The following TRPM3 variants were observed in gnomAD, a reference collection of about 807,000 sequenced individuals.
TRPM3 encodes transient receptor potential cation channel subfamily M member 3.
A neutral mutation model predicts 181.2 loss-of-function variants in TRPM3; 77 were observed. The ratio of observed to expected loss-of-function variants is 0.42; its 90% CI spans 0.35 to 0.51. The LOEUF (loss-of-function observed/expected upper bound fraction) is 0.51. TRPM3 is among the 20% of genes least tolerant of loss of function. TRPM3 has a pLI of 0.01. For missense variants in TRPM3, 1,759 were observed against 2,196.7 expected (o/e 0.80, Z 3.98); for synonymous variants, 745 against 796.4 (o/e 0.94, Z 1.09).
Position 71,004,045 on chromosome 9 carries a change from G to C in TRPM3, c.177+117133C>G, listed in dbSNP as rs376862925. Among the ~76,000 whole-genome samples the C allele has an allele frequency of 3.3e-5, 5 of 152,320 alleles. No homozygotes were observed. The South Asian group carries it at 1.0e-3, about 32-fold the overall frequency. On this transcript the variant is annotated intron_variant, in intron 1 of 25. Transcript: ENST00000677713. ...AGTCTACTCTGGTCATGTCCCACAA[G>C]AACCACTGGGAGTACCAGGAAGGCT... is the stretch of plus-strand genomic sequence containing the variant.
chr9:70,805,245 GGAGACAGAGAGAGACAGA>G (rs1350646054), intron 6 of TRPM3, among the ~76,000 whole-genome samples: 251 of 150,762 alleles, frequency 1.7e-3, no homozygotes, highest in Non-Finnish European at 2.9e-3. Flanking sequence ...GGTGGTGGGG[GGAGACAGAGAGAGACAGA>G]GAGACAGAGA....
chr9:71,033,289 G>A (rs913139303), intron 1 of TRPM3, among the ~76,000 whole-genome samples: 11 of 152,188 alleles, frequency 7.2e-5, no homozygotes, highest in South Asian at 6.2e-4. Flanking sequence ...CCTGGGACAC[G>A]GCTGCTTTTA....
chr9:71,083,830 C>A (rs189870078), intron 1 of TRPM3, among the ~76,000 whole-genome samples: 1 of 150,816 alleles, frequency 6.6e-6, no homozygotes, highest in Non-Finnish European at 1.5e-5. Flanking sequence ...AAACTGGCAG[C>A]CTGTATATAT....
intron 1 of TRPM3, among the ~76,000 whole-genome samples, chr9:71,046,995 T>C (rs1181860674): frequency 6.6e-6 from 1 of 152,230 alleles, no homozygotes; most frequent in Non-Finnish European, 1.5e-5. Flanking sequence ...GTCTTACCTT[T>C]GTAATCCCTA....
chr9:70,822,874 C>G (rs2093294900), intron 6 of TRPM3, among the ~76,000 whole-genome samples: 1 of 151,758 alleles, frequency 6.6e-6, no homozygotes, highest in Non-Finnish European at 1.5e-5. Context: ...CTAACTGGGT[C>G]CTTGCTTGTC....
chr9:71,267,640 A>G (rs1296985373), intron 1 of TRPM3, among the ~76,000 whole-genome samples: 5 of 152,166 alleles, frequency 3.3e-5, no homozygotes, highest in East Asian at 3.9e-4. Flanking sequence ...ATGCCAAGAC[A>G]TATTCTTTTT....
chr9:71,372,083 T>C (rs188679891), intron 1 of TRPM3, among the ~76,000 whole-genome samples: 1 of 152,214 alleles, frequency 6.6e-6, no homozygotes, highest in East Asian at 1.9e-4. Context: ...TGGCATTTGG[T>C]TTTCTGTTAC....
chr9:71,107,119 T>A (rs1480518265), intron 1 of TRPM3, among the ~76,000 whole-genome samples: 1 of 152,100 alleles, frequency 6.6e-6, no homozygotes, highest in East Asian at 1.9e-4. Context: ...GAGCTGTACA[T>A]CAAAGCAGTA....
intron 12 of TRPM3, among the ~76,000 whole-genome samples, chr9:70,631,380 T>TTA (rs2065839612): frequency 8.1e-6 from 1 of 124,030 alleles, no homozygotes; most frequent in Non-Finnish European, 1.7e-5. Context: ...TTTTTTTTTT[T>TTA]ATTCTGAAAA....
At chr9:70,636,264 A>C (rs535306776) in intron 11 of TRPM3, among the ~76,000 whole-genome samples, 1 of 151,298 alleles carries the variant, frequency 6.6e-6, no homozygotes, top group South Asian at 2.1e-4. Context: ...TTTTCTTTTG[A>C]TTGTTTCAAC....
chr9:71,011,646 GT>G, intron 1 of TRPM3, among the ~76,000 whole-genome samples: 1 of 151,192 alleles, frequency 6.6e-6, no homozygotes, highest in Admixed American at 6.6e-5. Flanking sequence ...TGTGTATCAT[GT>G]TTTTATGTAA....
At chr9:71,419,657 G>C (rs2093695667) in intron 1 of TRPM3, among the ~76,000 whole-genome samples, 1 of 151,908 alleles carries the variant, frequency 6.6e-6, no homozygotes, top group Non-Finnish European at 1.5e-5. Context: ...TAGAAGTTCT[G>C]ATACAATAAT....
intron 8 of TRPM3, among the ~76,000 whole-genome samples, chr9:70,749,716 T>G (rs1301883957): frequency 6.6e-6 from 1 of 152,238 alleles, no homozygotes; most frequent in Non-Finnish European, 1.5e-5. Flanking sequence ...AGTACTAAAA[T>G]GAAGTCATCC....
chr9:71,024,854 C>T (rs2097880514), intron 1 of TRPM3, among the ~76,000 whole-genome samples: 1 of 152,162 alleles, frequency 6.6e-6, no homozygotes, highest in African/African-American at 2.4e-5. Context: ...GAAATCATCC[C>T]ACAGTGTCTG....
intron 1 of TRPM3, among the ~76,000 whole-genome samples, chr9:71,302,427 T>C (rs1050159531): frequency 2.0e-4 from 30 of 152,046 alleles, no homozygotes; most frequent in African/African-American, 5.8e-4. Flanking sequence ...ACAAAACAAA[T>C]ACGCAAGATC....
chr9:71,201,272 G>A (rs1388161098), intron 1 of TRPM3, among the ~76,000 whole-genome samples: 1 of 152,022 alleles, frequency 6.6e-6, no homozygotes, highest in African/African-American at 2.4e-5. Flanking sequence ...TCCCTTTGTG[G>A]GTAACCCGAC....
chr9:70,988,761 C>T (rs565930994), intron 1 of TRPM3, among the ~76,000 whole-genome samples: 69 of 152,294 alleles, frequency 4.5e-4, no homozygotes, highest in Non-Finnish European at 7.6e-4. Context: ...GAGAGATGCT[C>T]TTGGACAGGC....
At chr9:71,095,806 A>G (rs530250590) in intron 1 of TRPM3, among the ~76,000 whole-genome samples, 2 of 151,242 alleles carry the variant, frequency 1.3e-5, no homozygotes, top group Non-Finnish European at 3.0e-5. Context: ...AAAGAGAGAA[A>G]GAGAGAGAGA....
At chr9:70,852,364 G>C (rs2095264550) in intron 3 of TRPM3, among the ~76,000 whole-genome samples, 1 of 152,036 alleles carries the variant, frequency 6.6e-6, no homozygotes, top group African/African-American at 2.4e-5. Context: ...CACTATGCTA[G>C]TATGGGAGTG....
Sources: allele counts gnomAD v4.1 joint callset (sites outside exome capture counted in the v4.1 genomes callset), GRCh38; gene constraint gnomAD v4.1.1; transcripts MANE v1.5; gene names NCBI Gene and HGNC (gene_info 2026-07-23, HGNC 2026-07-21).